The following POLQ variants were observed in gnomAD, a reference collection of about 807,000 sequenced individuals.
POLQ encodes DNA polymerase theta, also known as epididymis secretory sperm binding protein.
POLQ carries 233 observed loss-of-function variants against 259.2 expected under a neutral mutation model. The ratio of observed to expected loss-of-function variants is 0.90; its 90% CI spans 0.81 to 1.00. POLQ has a LOEUF of 1.00. POLQ is among the 50% of genes least tolerant of loss of function. The pLI is 0.00. For missense variants in POLQ, 2,871 were observed against 3,051.6 expected, an observed-to-expected ratio of 0.94 and a Z score of 1.39; for synonymous variants, 1,025 against 1,048.8, an observed-to-expected ratio of 0.98 and a Z score of 0.44.
intron 17 of POLQ, 134 bp from the exon 18 acceptor site, chr3:121,483,716 A>G: frequency 1.8e-6 from 1 of 567,560 alleles, no homozygotes. Flanking sequence ...TGTGACGAGT[A>G]ATTCAGCATC....
Position 121,490,027 on chromosome 3 carries a change from G to A in POLQ, c.2904C>T (p.Ser968=). The change falls in exon 16 of 30, where the codon TCC becomes TCT. Residue 968 remains serine, a synonymous_variant. Coordinates refer to ENST00000264233, the MANE Select transcript of POLQ (RefSeq NM_199420.4). ...DLNKSREHTS[S]FNCNFQNGNQ... The stretch of plus-strand genomic sequence containing the variant: ...TCCCATTCTGGAAATTACAATTAAA[G>A]GAACTTGTATGCTCTCTACTTTTAT... 6.4e-7 allele frequency: 1 copy of A among 1,572,092 alleles called. No individual in the cohort carries two copies. The highest frequency in any genetic ancestry group is 8.6e-7 in the Non-Finnish European group (1 of 1,166,374).
intron 24 of POLQ, among the ~76,000 whole-genome samples, chr3:121,463,985 T>C (rs2047814851): frequency 6.6e-6 from 1 of 152,194 alleles, no homozygotes. Context: ...GTATACTCTG[T>C]CAAAGCTCCT....
chr3:121,474,039 G>C (rs1290646628), intron 20 of POLQ, among the ~76,000 whole-genome samples: 1 of 152,160 alleles, frequency 6.6e-6, no homozygotes, highest in Non-Finnish European at 1.5e-5. Flanking sequence ...CTTTTAAGCA[G>C]TCAGGAACAC....
chr3:121,533,077 C>T lies in POLQ; in HGVS notation c.873G>A (p.Pro291=), dbSNP rs41390550. Residue 291 remains proline (P), a synonymous_variant, in exon 6 of 30, where the codon CCG becomes CCA. Coordinates refer to ENST00000264233, the MANE Select transcript of POLQ (RefSeq NM_199420.4). ...TTCCAACTTTTACTGACTCCAAAAG[C>T]GGTACAGGGCGAAAGTCGGTATGGT... The part of the protein sequence containing the change: ...ELYHTDFRPV[P]LLESVKVGNS... 3.4e-3 allele frequency: 5,521 copies of T among 1,613,760 alleles called. 173 individuals are homozygous for T. In the African/African-American group the frequency reaches 0.062, roughly 18 times the overall value.
In POLQ at chr3:121,519,882, A is replaced by G. The variant is rs753209191; in HGVS notation, c.1457T>C (p.Val486Ala). Residue 486 changes from valine to alanine, a missense_variant, in exon 9 of 30, where the codon GTG becomes GCG. Coordinates refer to ENST00000264233, the MANE Select transcript of POLQ (RefSeq NM_199420.4). ...TCAAACTCACTTACCTACTGTGTCCACTCCTTTCCTGCCAGCACGGCCAAC... is the reference window on the plus strand; with the variant it reads ...TCAAACTCACTTACCTACTGTGTCCGCTCCTTTCCTGCCAGCACGGCCAAC... ...QMVGRAGRKG[V>A]DTVGESILIC... The G allele has an allele frequency of 1.2e-5, 18 of 1,559,932 alleles. No homozygotes were observed. Among genetic ancestry groups the G allele is most frequent in the African/African-American group, 1.4e-5 (1 of 73,716 alleles).
At chr3:121,472,649 C>G (rs1243857017) in intron 21 of POLQ, among the ~76,000 whole-genome samples, 1 of 152,084 alleles carries the variant, frequency 6.6e-6, no homozygotes, top group Non-Finnish European at 1.5e-5. Context: ...GGAACAGAAA[C>G]TTGTGAGTAA....
rs1488595137 is a variant in POLQ, at chr3:121,545,772, C to G, written c.106G>C (p.Gly36Arg). The G allele has an allele frequency of 2.5e-6, 4 of 1,607,336 alleles. No individual in the cohort carries two copies. Residue 36 changes from glycine to arginine, a missense_variant, in exon 1 of 30, where the codon GGG becomes CGG. This residue lies in a region of POLQ where 783 missense variants were observed against 906.2 expected (regional missense o/e 0.86). Transcript: ENST00000264233. ...DSSASPQFLSGSVLSPPPGLG... is the reference protein window; with the variant it reads ...DSSASPQFLSRSVLSPPPGLG... ...CCGGGCGGCGGGCTCAGCACGGACC[C>G]GGAGAGGAACTGGGGGCTGGCACTG...
Position 121,490,183 on chromosome 3 carries a change from G to A in POLQ, c.2748C>T (p.Ser916=), listed in dbSNP as rs776619618. 76 of 1,611,706 alleles carry A rather than the reference G, an allele frequency of 4.7e-5. No homozygotes were observed. The highest frequency in any genetic ancestry group is 5.9e-5 in the Non-Finnish European group (69 of 1,178,342). The change falls in exon 16 of 30, where the codon TCC becomes TCT. Residue 916 remains serine, a synonymous_variant. Transcript: ENST00000264233. ...SSTCSLTHSE[S]EVKEHTFISQ... is the part of the protein sequence containing the mutation. The stretch of plus-strand genomic sequence containing the variant: ...ATATAAATGTGTGTTCCTTTACTTC[G>A]GACTCACTATGAGTCAATGAGCATG...
chr3:121,517,843 C>T (rs1560105031), intron 9 of POLQ, among the ~76,000 whole-genome samples: 1 of 152,168 alleles, frequency 6.6e-6, no homozygotes, highest in Non-Finnish European at 1.5e-5. Flanking sequence ...ACAATTACAT[C>T]ATATAAGGCC....
chr3:121,471,711 A>G (rs1039875853), intron 22 of POLQ, among the ~76,000 whole-genome samples: 7 of 152,114 alleles, frequency 4.6e-5, no homozygotes, highest in African/African-American at 1.7e-4. Flanking sequence ...GGGAGCTGAG[A>G]TCGTGCCACC....
In POLQ at chr3:121,460,219, G is replaced by T; in HGVS notation, c.6983C>A (p.Ala2328Asp). 6.2e-7 allele frequency: 1 copy of T among 1,612,380 alleles called. No individual in the cohort carries two copies. The highest frequency in any genetic ancestry group is 8.5e-7 in the Non-Finnish European group (1 of 1,178,400). Residue 2328 changes from alanine (A) to aspartate (D), a missense_variant, in exon 25 of 30, where the codon GCT becomes GAT. Around this residue, in one of 3 missense-constraint regions of POLQ, gnomAD observed 2,080 missense variants for 2,126.0 expected, o/e 0.98. Transcript: ENST00000264233. The stretch of plus-strand genomic sequence containing the variant: ...CAGTTCAAGCTGAGAGTAGTCAGCA[G>T]CCAGTATTGAACCACCTGAAGTAGA... ...FVPFPGGSILAADYSQLELRI... is the reference protein window; with the variant it reads ...FVPFPGGSILDADYSQLELRI...
At chr3:121,481,992 T>C (rs2047975163) in intron 18 of POLQ, among the ~76,000 whole-genome samples, 180 bp from the exon 19 acceptor site, 1 of 152,210 alleles carries the variant, frequency 6.6e-6, no homozygotes, top group African/African-American at 2.4e-5. Flanking sequence ...TCATTTTTGG[T>C]AGCAACAACA....
intron 6 of POLQ, among the ~76,000 whole-genome samples, chr3:121,531,697 C>T (rs1425449164): frequency 2.0e-5 from 3 of 152,012 alleles, no homozygotes; most frequent in Non-Finnish European, 4.4e-5. Flanking sequence ...TTTCAATAAT[C>T]CAGGTAAGAA....
intron 8 of POLQ, among the ~76,000 whole-genome samples, chr3:121,520,794 A>G (rs1311092668): frequency 3.3e-5 from 5 of 152,210 alleles, no homozygotes; most frequent in Non-Finnish European, 7.3e-5. Flanking sequence ...CACTGTTCTA[A>G]ACAATGAACT....
chr3:121,485,439 G>A (rs886278116), intron 16 of POLQ, among the ~76,000 whole-genome samples: 19 of 152,034 alleles, frequency 1.2e-4, no homozygotes, highest in African/African-American at 4.6e-4. Context: ...AAGAAAGGGA[G>A]GCTGCATTTC....
intron 14 of POLQ, 122 bp from the exon 15 acceptor site, chr3:121,493,843 C>T (rs1209297647): frequency 9.5e-6 from 8 of 844,818 alleles, no homozygotes; most frequent in Non-Finnish European, 1.4e-5. Context: ...TTTAACAAGG[C>T]CCAAGGTGTA....
At chr3:121,486,881 AAGAAAGAGAGACAGAG>A (rs1285789258) in intron 16 of POLQ, among the ~76,000 whole-genome samples, 2 of 130,122 alleles carry the variant, frequency 1.5e-5, no homozygotes, top group Non-Finnish European at 3.2e-5. Context: ...GAAAGAAAGA[AAGAAAGAGAGACAGAG>A]AGAGAGAGAG....
Position 121,544,713 on chromosome 3 carries a change from A to T in POLQ, c.343+14T>A. On this transcript the variant is annotated intron_variant, in intron 2 of 29. Transcript: ENST00000264233. ...ATCTTAAAAATAGTAATTAGTTTACATAAATTTGGATACCTGAATAAACTA... is the reference window on the plus strand; with the variant it reads ...ATCTTAAAAATAGTAATTAGTTTACTTAAATTTGGATACCTGAATAAACTA... The T allele has an allele frequency of 3.9e-6, 6 of 1,537,310 alleles. No individual in the cohort carries two copies. The highest frequency in any genetic ancestry group is 5.4e-6 in the Non-Finnish European group (6 of 1,112,368).
At chr3:121,492,100 G>A (rs568444696) in intron 15 of POLQ, among the ~76,000 whole-genome samples, 1 of 152,162 alleles carries the variant, frequency 6.6e-6, no homozygotes, top group African/African-American at 2.4e-5. Flanking sequence ...GAGCAAAGAG[G>A]ATAGTAAAAT....
Sources: gnomAD v4.1 joint callset for allele counts (sites outside exome capture counted in the v4.1 genomes callset) on GRCh38, gnomAD v4.1.1 for gene constraint, gnomAD v4.1.1 regional missense constraint, MANE v1.5 for transcripts, NCBI Gene and HGNC (gene_info 2026-07-23, HGNC 2026-07-21) for gene names.